TBXT: variants seen among roughly 807,000 people sequenced by gnomAD.
TBXT encodes the protein T brachyury transcription factor.
A neutral mutation model predicts 41.1 loss-of-function variants in TBXT; 19 were observed. The ratio of observed to expected loss-of-function variants is 0.46; its 90% CI spans 0.32 to 0.68. The LOEUF is 0.68. Ranked by LOEUF, TBXT falls within the 30% of genes least tolerant of loss-of-function variation. The probability of loss-of-function intolerance (pLI) is 0.03; values close to 1 mark genes in which losing one functional copy is unlikely to be tolerated. For missense variants in TBXT, 536 were observed against 582.0 expected (o/e 0.92, Z 0.81); for synonymous variants, 213 against 238.9 (o/e 0.89, Z 1.00).
intron 6 of TBXT, 125 bp downstream of exon 6, chr6:166,162,322 G>T: frequency 9.4e-7 from 1 of 1,068,040 alleles, no homozygotes; most frequent in Non-Finnish European, 1.4e-6. Context: ...AAAAAACTGG[G>T]CTTGGGTATG....
At chr6:166,163,866 T>C (rs1779032395) in intron 5 of TBXT, among the ~76,000 whole-genome samples, 1 of 152,234 alleles carries the variant, frequency 6.6e-6, no homozygotes, top group Admixed American at 6.5e-5. Context: ...TCTACTCAAG[T>C]GACTGCCTTT....
intron 5 of TBXT, among the ~76,000 whole-genome samples, chr6:166,162,960 G>A (rs1486583473): frequency 1.3e-5 from 2 of 152,188 alleles, no homozygotes; most frequent in Non-Finnish European, 2.9e-5. Flanking sequence ...GACATCTGAG[G>A]CCATCAGCCC....
chr6:166,159,256 C>T (rs3127331), intron 7 of TBXT, among the ~76,000 whole-genome samples: 116,558 of 152,014 alleles, frequency 0.77, 45,007 homozygotes, highest in East Asian at 0.9. Context: ...ATAGTCTCAA[C>T]CAAAAGTTAC....
rs755916571 is a variant in TBXT at position 166,160,943 on chromosome 6, A to G, written c.931T>C (p.Cys311Arg). Residue 311 changes from cysteine to arginine, a missense_variant, in exon 7 of 8, where the codon TGT becomes CGT. Transcript: ENST00000366876. ...SPTYSDNSPA[C>R]LSMLQSHDNW... ...TCATGGGATTGCAGCATGGATAAAC[A>G]TGCAGGTGAGTTGTCAGAATAGGCT... is the stretch of plus-strand genomic sequence containing the variant. 1 of 1,614,068 alleles carries G rather than the reference A, an allele frequency of 6.2e-7. No homozygotes were observed. Among genetic ancestry groups the G allele is most frequent in the Admixed American group, 1.7e-5 (1 of 60,018 alleles).
chr6:166,158,501 C>T lies in TBXT; in HGVS notation c.1125G>A (p.Gln375=). ...AGTGCGCGGGGGAGCCCCGGAAGAACTGGGCCCCCAGCCCGTTGGACACGG... is the reference window on the plus strand; with the variant it reads ...AGTGCGCGGGGGAGCCCCGGAAGAATTGGGCCCCCAGCCCGTTGGACACGG... ...AAAVSNGLGA[Q]FFRGSPAHYT... Residue 375 remains glutamine (Q), a synonymous_variant, in exon 8 of 8, where the codon CAG becomes CAA. Coordinates refer to ENST00000366876, the MANE Select transcript of TBXT (RefSeq NM_001366285.2). The T allele has an allele frequency of 6.2e-7, 1 of 1,608,324 alleles. No individual in the cohort carries two copies. Among genetic ancestry groups the T allele is most frequent in the Non-Finnish European group, 8.5e-7 (1 of 1,176,626 alleles).
Position 166,167,595 on chromosome 6 carries a change from C to G in TBXT, c.-4G>C, listed in dbSNP as rs1480384742. 2.6e-6 allele frequency: 4 copies of G among 1,550,690 alleles called. No individual in the cohort carries two copies. In the East Asian group the frequency reaches 9.7e-5, roughly 37 times the overall value. ...TCTCGGTGCCAGGGGAGCTCATCCT[C>G]CCGTCCGGCTCCCCTCCCCGCCGTC... On this transcript the variant is annotated 5_prime_UTR_variant, in exon 1 of 8. Transcript: ENST00000366876.
At position 166,158,151 on chromosome 6, in the gene TBXT, G is replaced by T; in HGVS notation, c.*164C>A. The T allele has an allele frequency of 9.3e-7, 1 of 1,076,410 alleles. No homozygotes were observed. The highest frequency in any genetic ancestry group is 1.4e-6 in the Non-Finnish European group (1 of 727,774). 66.7% of individuals were successfully genotyped at this position (1,076,410 alleles called of 1,614,324 possible). ...GAGCAAGGGATGCTGGGGCTCTGGG[G>T]AAAGGTGCCGTGTGCTCCTCCACTG... On this transcript the variant is annotated 3_prime_UTR_variant, in exon 8 of 8. Transcript: ENST00000366876.
Position 166,167,701 on chromosome 6 carries a change from C to G in TBXT, c.-110G>C, listed in dbSNP as rs2128523949. ...CTTCCGAGAAAAGGGGCCCCTTGGA[C>G]CGAGACCTGCGACGGCTCCCGGGTC... On this transcript the variant is annotated 5_prime_UTR_variant, in exon 1 of 8. Coordinates refer to ENST00000366876, the MANE Select transcript of TBXT (RefSeq NM_001366285.2). The G allele has an allele frequency of 7.1e-7, 1 of 1,416,624 alleles. No homozygotes were observed. The highest frequency in any genetic ancestry group is 2.5e-5 in the East Asian group (1 of 40,216). The allele number at this position is 1,416,624 out of a possible 1,614,324, so 87.8% of individuals were successfully genotyped here. A position where few individuals can be genotyped will look rare whatever the true frequency, so the allele number is the denominator to read the frequency against.
Position 166,166,683 on chromosome 6 carries a change from G to C in TBXT, c.380C>G (p.Pro127Arg). Residue 127 changes from proline (P) to arginine (R), a missense_variant, in exon 2 of 8, where the codon CCC (proline) becomes CGC (arginine). Transcript: ENST00000366876. ...GTGGGCCCCGAAGTTGGGCGAGTCG[G>C]GGTGGATGTAGACGCAGCTGGGCGC... The part of the protein sequence containing the change: ...PQAPSCVYIH[P>R]DSPNFGAHWM... 1 of 1,614,060 alleles carries C rather than the reference G, an allele frequency of 6.2e-7. No homozygotes were observed. Among genetic ancestry groups the C allele is most frequent in the Non-Finnish European group, 8.5e-7 (1 of 1,180,042 alleles).
chr6:166,158,065 A>G lies in TBXT; in HGVS notation c.*250T>C, dbSNP rs3816302. 170,067 of 613,300 alleles carry G rather than the reference A, an allele frequency of 0.28. 25,096 individuals are homozygous for G. The highest frequency in any genetic ancestry group is 0.31 in the South Asian group (15,678 of 49,872). 38.0% of individuals were successfully genotyped at this position (613,300 alleles called of 1,614,324 possible). ...CCGTCAGTGAGGTTGGGCCAACTGC[A>G]TCATCTCCACAGTTGGGTTCATCTG... is the stretch of plus-strand genomic sequence containing the variant. On this transcript the variant is annotated 3_prime_UTR_variant, in exon 8 of 8. Coordinates refer to ENST00000366876, the MANE Select transcript of TBXT (RefSeq NM_001366285.2).
chr6:166,159,385 G>T (rs1194568580), intron 7 of TBXT, among the ~76,000 whole-genome samples: 1 of 151,736 alleles, frequency 6.6e-6, no homozygotes, highest in South Asian at 2.1e-4. Context: ...ATTCCTTAGA[G>T]TAACTCCAGT....
At chr6:166,161,839 C>T (rs1267350716) in intron 6 of TBXT, among the ~76,000 whole-genome samples, 5 of 152,232 alleles carry the variant, frequency 3.3e-5, no homozygotes, top group African/African-American at 1.2e-4. Flanking sequence ...AGGAGAATGG[C>T]GTGAACCCGA....
chr6:166,167,962 C>T, upstream of TBXT: 1 of 350,812 alleles, frequency 2.9e-6, no homozygotes, highest in East Asian at 7.0e-5. Flanking sequence ...CTCCCATTGG[C>T]CGAGAGCGGC....
chr6:166,168,102 C>T (rs544802102), upstream of TBXT, among the ~76,000 whole-genome samples: 1 of 152,016 alleles, frequency 6.6e-6, no homozygotes, highest in Admixed American at 6.5e-5. Flanking sequence ...CCGCCCTTCT[C>T]CAAATGTTTG....
chr6:166,161,306 C>G (rs1238276742), intron 6 of TBXT, among the ~76,000 whole-genome samples: 1 of 152,130 alleles, frequency 6.6e-6, no homozygotes, highest in Non-Finnish European at 1.5e-5. Context: ...TGCCTTTTTA[C>G]CAGTGATTAC....
chr6:166,159,952 G>C (rs1032075591), intron 7 of TBXT, among the ~76,000 whole-genome samples: 1 of 92,852 alleles, frequency 1.1e-5, no homozygotes, highest in Non-Finnish European at 2.4e-5. Context: ...TTCTAACCGC[G>C]GGCAATTGAA....
Position 166,158,506 on chromosome 6 carries a change from C to A in TBXT, c.1120G>T (p.Ala374Ser), listed in dbSNP as rs750466703. 6.2e-7 allele frequency: 1 copy of A among 1,607,550 alleles called. No homozygotes were observed. Among genetic ancestry groups the A allele is most frequent in the South Asian group, 1.1e-5 (1 of 90,884 alleles). Reference sequence around the variant, plus strand: ...GCGGGGGAGCCCCGGAAGAACTGGGCCCCCAGCCCGTTGGACACGGCTGCT... The same window carrying A: ...GCGGGGGAGCCCCGGAAGAACTGGGACCCCAGCCCGTTGGACACGGCTGCT... ...QAAAVSNGLGAQFFRGSPAHY... is the reference protein window; with the variant it reads ...QAAAVSNGLGSQFFRGSPAHY... The change falls in exon 8 of 8, where the codon GCC becomes TCC. Residue 374 changes from alanine (A) to serine (S), a missense_variant. Coordinates refer to ENST00000366876, the MANE Select transcript of TBXT (RefSeq NM_001366285.2).
intron 1 of TBXT, 75 bp from the exon 2 acceptor site, chr6:166,166,931 G>A: frequency 1.2e-6 from 2 of 1,606,116 alleles, no homozygotes; most frequent in Non-Finnish European, 8.5e-7. Context: ...TGGGCACAGA[G>A]GCCTCAGTTA....
chr6:166,162,146 G>C (rs189661228), intron 6 of TBXT, among the ~76,000 whole-genome samples: 1 of 152,236 alleles, frequency 6.6e-6, no homozygotes, highest in Non-Finnish European at 1.5e-5. Flanking sequence ...CCTAAGGATC[G>C]ACCATGGTTC....
Sources: gnomAD v4.1 joint callset for allele counts (sites outside exome capture counted in the v4.1 genomes callset) on GRCh38, gnomAD v4.1.1 for gene constraint, MANE v1.5 for transcripts, NCBI Gene and HGNC (gene_info 2026-07-23, HGNC 2026-07-21) for gene names.